Variants in WDFY1 observed in about 807,000 individuals in gnomAD.
WDFY1 encodes the protein WD repeat and FYVE domain containing 1.
Under a neutral mutation model 56.4 loss-of-function variants are expected in WDFY1, and 32 were observed. The observed-to-expected ratio is 0.57, with a 90% CI of 0.43 to 0.76. The LOEUF is 0.76. Ranked by LOEUF, WDFY1 falls within the 30% of genes least tolerant of loss-of-function variation. The pLI is 0.00. For synonymous variants in WDFY1, 192 were observed against 197.3 expected (o/e 0.97, Z 0.23); for missense variants, 480 against 545.7 (o/e 0.88, Z 1.20).
intron 6 of WDFY1, among the ~76,000 whole-genome samples, chr2:223,896,896 C>T (rs1693390707): frequency 1.3e-5 from 2 of 152,118 alleles, no homozygotes; most frequent in South Asian, 4.1e-4. Flanking sequence ...AAAACCAGTA[C>T]CCATTCTGGT....
chr2:223,937,766 G>C (rs1689223022), intron 1 of WDFY1, among the ~76,000 whole-genome samples: 1 of 152,172 alleles, frequency 6.6e-6, no homozygotes, highest in South Asian at 2.1e-4. Context: ...GCCTTCTCAA[G>C]TCTTCAGTTT....
At position 223,876,665 on chromosome 2, in the gene WDFY1, A is replaced by G. The variant is rs1387073958; in HGVS notation, c.*2006T>C. The stretch of plus-strand genomic sequence containing the variant: ...GTTTTTCAAGAATTTCTTAAAATAA[A>G]AAAGGTTTGAAAGCTATGGAGTAAA... On this transcript the variant is annotated 3_prime_UTR_variant, in exon 12 of 12. Transcript: ENST00000233055. The G allele has an allele frequency of 6.6e-6, 1 of 152,184 alleles. No homozygotes were observed. The highest frequency in any genetic ancestry group is 1.5e-5 in the Non-Finnish European group (1 of 68,034). 9.4% of individuals were successfully genotyped at this position (152,184 alleles called of 1,614,324 possible).
At chr2:223,923,024 T>C (rs147774832) in intron 1 of WDFY1, among the ~76,000 whole-genome samples, 1 of 152,242 alleles carries the variant, frequency 6.6e-6, no homozygotes, top group Non-Finnish European at 1.5e-5. Context: ...TCTTAGGCTT[T>C]TTGTTTGAAA....
At chr2:223,896,029 G>A (rs927224269) in intron 6 of WDFY1, among the ~76,000 whole-genome samples, 21 of 151,476 alleles carry the variant, frequency 1.4e-4, no homozygotes, top group African/African-American at 3.6e-4. Context: ...GGTGGCAGGC[G>A]CCTGTAATCC....
At chr2:223,880,611 A>C (rs1415451746) in intron 10 of WDFY1, among the ~76,000 whole-genome samples, 1 of 151,216 alleles carries the variant, frequency 6.6e-6, no homozygotes, top group Non-Finnish European at 1.5e-5. Context: ...AGTCTCAAAA[A>C]AAAAAAAAAA....
At chr2:223,889,478 G>A (rs1693230312) in intron 8 of WDFY1, among the ~76,000 whole-genome samples, 1 of 152,160 alleles carries the variant, frequency 6.6e-6, no homozygotes, top group South Asian at 2.1e-4. Context: ...TGAATCATGG[G>A]GGTGGGTTTT....
chr2:223,913,821 A>C (rs1693742569), intron 2 of WDFY1, among the ~76,000 whole-genome samples: 1 of 152,066 alleles, frequency 6.6e-6, no homozygotes, highest in African/African-American at 2.4e-5. Context: ...GACAACTATA[A>C]CATTTCAAAA....
intron 1 of WDFY1, among the ~76,000 whole-genome samples, chr2:223,918,282 T>C (rs1243923308): frequency 6.6e-6 from 1 of 152,170 alleles, no homozygotes; most frequent in Non-Finnish European, 1.5e-5. Context: ...TATGATGATA[T>C]AAGGTAAGTT....
chr2:223,933,346 ATT>A (rs35417214), intron 1 of WDFY1, among the ~76,000 whole-genome samples: 115,995 of 147,038 alleles, frequency 0.79, 47,097 homozygotes, highest in Non-Finnish European at 0.91. Context: ...AAACCTGCAG[ATT>A]TTTTTTTTTT....
rs1474375997 is a variant in WDFY1, at chr2:223,897,388, A to ATTTTTTTTTT, written c.598+1569_598+1570insAAAAAAAAAA. On this transcript the variant is annotated intron_variant, in intron 6 of 11. Coordinates refer to ENST00000233055, the MANE Select transcript of WDFY1 (RefSeq NM_020830.5). Reference sequence around the variant, plus strand: ...TATATATATATATATATATATATATATATTTTTTAAGACGGAGTCTCTCTC... The same window carrying ATTTTTTTTTT: ...TATATATATATATATATATATATATATTTTTTTTTTTATTTTTTAAGACGGAGTCTCTCTC... Among the ~76,000 whole-genome samples, 40 of 125,068 alleles carry ATTTTTTTTTT rather than the reference A, an allele frequency of 3.2e-4. 1 individual carries two copies. The highest frequency in any genetic ancestry group is 9.2e-4 in the African/African-American group (31 of 33,518). The allele number at this position is 125,068 out of a possible 152,430, so 82.0% of individuals were successfully genotyped here.
chr2:223,883,435 T>C (rs1693109319), intron 9 of WDFY1, among the ~76,000 whole-genome samples: 1 of 152,196 alleles, frequency 6.6e-6, no homozygotes, highest in African/African-American at 2.4e-5. Context: ...GTGTTTCCTT[T>C]AGAAGTAGGG....
chr2:223,932,868 G>A (rs199575949), intron 1 of WDFY1, among the ~76,000 whole-genome samples: 2 of 145,510 alleles, frequency 1.4e-5, no homozygotes. Flanking sequence ...GGGGATACAG[G>A]AAAAAAAAAA....
chr2:223,944,374 G>C (rs6736139), intron 1 of WDFY1, among the ~76,000 whole-genome samples: 51,214 of 152,286 alleles, frequency 0.34, 9,727 homozygotes, highest in Non-Finnish European at 0.43. Context: ...GAGAGAGACC[G>C]GGACGAAGGT....
chr2:223,931,272 T>A (rs938945583), intron 1 of WDFY1, among the ~76,000 whole-genome samples: 1 of 152,208 alleles, frequency 6.6e-6, no homozygotes, highest in Non-Finnish European at 1.5e-5. Flanking sequence ...AATAAAGTTA[T>A]TACTCTTAAA....
At chr2:223,897,390 A>ATT (rs1553536123) in intron 6 of WDFY1, among the ~76,000 whole-genome samples, 35 of 125,986 alleles carry the variant, frequency 2.8e-4, no homozygotes, top group East Asian at 1.1e-3. Flanking sequence ...ATATATATAT[A>ATT]TTTTTTAAGA....
chr2:223,882,071 T>C lies in WDFY1; in HGVS notation c.935A>G (p.His312Arg). ...AGCCTGCCCGCATTTCCTGCAGTGA[T>C]GCTTCACAGGTGACCGGGAGGAGGA... ...WDTKTLGLRQHHCRKCGQAVC... is the reference protein window; with the variant it reads ...WDTKTLGLRQRHCRKCGQAVC... Residue 312 changes from histidine (H) to arginine (R), a missense_variant and splice_region_variant, in exon 10 of 12, where the codon CAT becomes CGT. His to Arg is a conservative substitution (Grantham distance 29). Coordinates refer to ENST00000233055, the MANE Select transcript of WDFY1 (RefSeq NM_020830.5). 1 of 1,613,232 alleles carries C rather than the reference T, an allele frequency of 6.2e-7. No homozygotes were observed. Among genetic ancestry groups the C allele is most frequent in the South Asian group, 1.1e-5 (1 of 91,048 alleles).
chr2:223,895,147 A>G (rs1047953489), intron 7 of WDFY1, among the ~76,000 whole-genome samples: 2 of 152,206 alleles, frequency 1.3e-5, no homozygotes, highest in African/African-American at 4.8e-5. Flanking sequence ...ATCATGTTAC[A>G]TGCAACCTTC....
At chr2:223,884,836 C>T in intron 8 of WDFY1, 87 bp from the exon 9 acceptor site, 1 of 1,176,664 alleles carries the variant, frequency 8.5e-7, no homozygotes, top group Admixed American at 2.0e-5. Flanking sequence ...CTAGACCTTG[C>T]CAAGGTTAGT....
rs1163250977 is a variant in WDFY1 at position 223,877,273 on chromosome 2, G to T, written c.*1398C>A. 2.0e-5 allele frequency: 3 copies of T among 150,570 alleles called. No homozygotes were observed. The highest frequency in any genetic ancestry group is 7.3e-5 in the African/African-American group (3 of 40,980). The allele number at this position is 150,570 out of a possible 1,614,324, so 9.3% of individuals were successfully genotyped here. A position where few individuals can be genotyped will look rare whatever the true frequency, so the allele number is the denominator to read the frequency against. On this transcript the variant is annotated 3_prime_UTR_variant, in exon 12 of 12. Transcript: ENST00000233055. Reference sequence around the variant, plus strand: ...CATATGGAATGACCCTATTGTCCTGGTATGATCCCAACACAGTGATGCAGT... The same window carrying T: ...CATATGGAATGACCCTATTGTCCTGTTATGATCCCAACACAGTGATGCAGT...
Sources: gnomAD v4.1 joint callset for allele counts (sites outside exome capture counted in the v4.1 genomes callset) on GRCh38, gnomAD v4.1.1 for gene constraint, MANE v1.5 for transcripts, NCBI Gene and HGNC (gene_info 2026-07-23, HGNC 2026-07-21) for gene names.